The following PRLR variants were observed in gnomAD, a reference collection of about 807,000 sequenced individuals.
PRLR encodes hPRL receptor.
A neutral mutation model predicts 40.2 loss-of-function variants in PRLR; 13 were observed. The observed-to-expected ratio is 0.32, with a 90% CI of 0.21 to 0.51. PRLR has a LOEUF of 0.51. Ranked by LOEUF, PRLR falls within the 20% of genes least tolerant of loss-of-function variation. The probability of loss-of-function intolerance (pLI) is 0.97; values close to 1 mark genes in which losing one functional copy is unlikely to be tolerated. For missense variants in PRLR, 656 were observed against 747.3 expected, an observed-to-expected ratio of 0.88 and a Z score of 1.42; for synonymous variants, 269 against 278.7, an observed-to-expected ratio of 0.97 and a Z score of 0.35.
chr5:35,214,843 CCT>C lies in PRLR; in HGVS notation c.-106+15423_-106+15424del, dbSNP rs1776248419. On this transcript the variant is annotated intron_variant, in intron 1 of 9. Coordinates refer to ENST00000618457, the MANE Select transcript of PRLR (RefSeq NM_000949.7). ...GACCATCTCTCTTTTGAAACAGACCCCTGAGGAGATTAGAAAGTATGCACACA... is the reference window on the plus strand; with the variant it reads ...GACCATCTCTCTTTTGAAACAGACCCGAGGAGATTAGAAAGTATGCACACA... 3.3e-5 allele frequency among the ~76,000 whole-genome samples: 5 copies of C among 152,082 alleles called. No homozygotes were observed. In the South Asian group the frequency reaches 1.0e-3, roughly 32 times the overall value.
intron 1 of PRLR, among the ~76,000 whole-genome samples, chr5:35,125,828 G>C (rs1006916246): frequency 1.3e-5 from 2 of 152,184 alleles, no homozygotes; most frequent in African/African-American, 4.8e-5. Context: ...CTGTTGAGAG[G>C]GGAATGTTAG....
intron 1 of PRLR, among the ~76,000 whole-genome samples, chr5:35,118,802 T>G (rs1033354718): frequency 1.3e-5 from 2 of 152,024 alleles, no homozygotes; most frequent in African/African-American, 4.8e-5. Flanking sequence ...TCTTTTTTTT[T>G]TTTGACAGGG....
At chr5:35,214,647 G>T (rs1776243762) in intron 1 of PRLR, among the ~76,000 whole-genome samples, 1 of 152,180 alleles carries the variant, frequency 6.6e-6, no homozygotes, top group Non-Finnish European at 1.5e-5. Flanking sequence ...ACAGCAAAAA[G>T]AAGAAATGTA....
At chr5:35,094,277 A>G (rs573905811) in intron 2 of PRLR, among the ~76,000 whole-genome samples, 1 of 151,480 alleles carries the variant, frequency 6.6e-6, no homozygotes, top group Non-Finnish European at 1.5e-5. Context: ...ATCATACAAC[A>G]TGCATTTCTT....
intron 1 of PRLR, among the ~76,000 whole-genome samples, chr5:35,137,871 G>A (rs898326908): frequency 1.3e-5 from 2 of 152,142 alleles, no homozygotes; most frequent in African/African-American, 4.8e-5. Flanking sequence ...GGAAGCAGAG[G>A]TTGCAGTAAG....
At chr5:35,192,958 T>A (rs962312926) in intron 1 of PRLR, among the ~76,000 whole-genome samples, 1 of 152,200 alleles carries the variant, frequency 6.6e-6, no homozygotes, top group African/African-American at 2.4e-5. Context: ...GTGTGGTTTT[T>A]TCCTGCTTGC....
chr5:35,107,290 G>A (rs191217855), intron 2 of PRLR, among the ~76,000 whole-genome samples: 150 of 152,202 alleles, frequency 9.9e-4, no homozygotes, highest in Non-Finnish European at 1.3e-3. Flanking sequence ...ATCTAAAATC[G>A]ACACCCTAAC....
intron 2 of PRLR, among the ~76,000 whole-genome samples, chr5:35,090,245 T>C (rs955908463): frequency 3.3e-5 from 5 of 152,186 alleles, no homozygotes; most frequent in Non-Finnish European, 5.9e-5. Flanking sequence ...CCACGTGGTT[T>C]CTTTCTCCTG....
At chr5:35,177,872 G>C (rs915326799) in intron 1 of PRLR, among the ~76,000 whole-genome samples, 1 of 152,132 alleles carries the variant, frequency 6.6e-6, no homozygotes, top group Non-Finnish European at 1.5e-5. Flanking sequence ...TCAACCTTTT[G>C]AGGAACTGCC....
intron 1 of PRLR, among the ~76,000 whole-genome samples, chr5:35,141,790 T>C (rs1774031848): frequency 6.6e-6 from 1 of 152,204 alleles, no homozygotes; most frequent in African/African-American, 2.4e-5. Context: ...TAGGGAGCCT[T>C]TCTGGACTAT....
At chr5:35,112,908 T>C (rs1181981490) in intron 2 of PRLR, among the ~76,000 whole-genome samples, 1 of 152,194 alleles carries the variant, frequency 6.6e-6, no homozygotes, top group Non-Finnish European at 1.5e-5. Context: ...AGAGTATTAA[T>C]AGTCAGGGCC....
chr5:35,052,732 G>C (rs1292932989), downstream of PRLR, among the ~76,000 whole-genome samples: 2 of 152,142 alleles, frequency 1.3e-5, no homozygotes, highest in African/African-American at 4.8e-5. Flanking sequence ...TTCCAGAGAG[G>C]GTCCTGCCCC....
intron 3 of PRLR, among the ~76,000 whole-genome samples, chr5:35,088,780 A>C (rs549631435): frequency 5.9e-5 from 9 of 152,196 alleles, no homozygotes; most frequent in South Asian, 2.1e-4. Context: ...CACACACACA[A>C]AAATATACAC....
chr5:35,095,476 C>T (rs560781647), intron 2 of PRLR, among the ~76,000 whole-genome samples: 22 of 152,272 alleles, frequency 1.4e-4, no homozygotes, highest in African/African-American at 4.3e-4. Context: ...ACATGGCAGC[C>T]GCTCTTTCAG....
chr5:35,089,020 A>T (rs892732714), intron 3 of PRLR, among the ~76,000 whole-genome samples: 1 of 152,244 alleles, frequency 6.6e-6, no homozygotes, highest in African/African-American at 2.4e-5. Context: ...ACAGAAGTGT[A>T]TAGTCACAGG....
chr5:35,065,886 A>G lies in PRLR; in HGVS notation c.1072T>C (p.Ser358Pro). The part of the protein sequence containing the change: ...DSGRGSCDSP[S>P]LLSEKCEEPQ... ...TCCTCACACTTTTCAGACAAAAGGG[A>G]AGGGCTGTCACAGCTCCCCCGGCCT... is the stretch of plus-strand genomic sequence containing the variant. Residue 358 changes from serine to proline, a missense_variant, in exon 10 of 10, where the codon TCC becomes CCC. Ser to Pro is a moderately conservative substitution (Grantham distance 74). Coordinates refer to ENST00000618457, the MANE Select transcript of PRLR (RefSeq NM_000949.7). 8 of 1,614,064 alleles carry G rather than the reference A, an allele frequency of 5.0e-6. No individual in the cohort carries two copies. The highest frequency in any genetic ancestry group is 6.8e-6 in the Non-Finnish European group (8 of 1,180,008).
At chr5:35,099,302 G>A (rs537435335) in intron 2 of PRLR, among the ~76,000 whole-genome samples, 153 of 152,208 alleles carry the variant, frequency 1.0e-3, no homozygotes, top group African/African-American at 3.5e-3. Context: ...ATGACAATGG[G>A]GCTGAAAAGT....
chr5:35,075,224 C>T lies in PRLR; in HGVS notation c.374-2480G>A, dbSNP rs180961679. Among the ~76,000 whole-genome samples the T allele has an allele frequency of 3.7e-3, 567 of 152,126 alleles. 5 individuals carry two copies. The highest frequency in any genetic ancestry group is 0.012 in the African/African-American group (510 of 41,478). ...TGGGTGCAGTCCATGGAGCGTGAGG[C>T]GAAGCAGGGCAGGTCATTGTCTCAC... On this transcript the variant is annotated intron_variant, in intron 5 of 9. Coordinates refer to ENST00000618457, the MANE Select transcript of PRLR (RefSeq NM_000949.7).
intron 5 of PRLR, among the ~76,000 whole-genome samples, chr5:35,074,947 T>C (rs1769980984): frequency 1.3e-5 from 2 of 152,102 alleles, no homozygotes; most frequent in Admixed American, 1.3e-4. Flanking sequence ...CTCCATTCAT[T>C]TATCACCTCC....
Sources: allele counts gnomAD v4.1 joint callset (sites outside exome capture counted in the v4.1 genomes callset), GRCh38; gene constraint gnomAD v4.1.1; transcripts MANE v1.5; gene names NCBI Gene and HGNC (gene_info 2026-07-23, HGNC 2026-07-21).